The following TNPO1 variants were observed in gnomAD, a reference collection of about 807,000 sequenced individuals.
TNPO1 encodes transportin 1.
A neutral mutation model predicts 119.5 loss-of-function variants in TNPO1; 8 were observed. The observed-to-expected ratio is 0.07, with a 90% CI of 0.04 to 0.12. TNPO1 has a LOEUF of 0.12. Among genes scored for constraint, TNPO1 ranks in the 10% least tolerant of loss-of-function variants. The pLI, the probability that TNPO1 is intolerant of heterozygous loss-of-function variation, is 1.00. For synonymous variants in TNPO1, 362 were observed against 363.0 expected, an observed-to-expected ratio of 1.00 and a Z score of 0.03; for missense variants, 576 against 1,089.8, an observed-to-expected ratio of 0.53 and a Z score of 6.64.
chr5:72,859,244 A>G (rs1251442041), intron 4 of TNPO1, among the ~76,000 whole-genome samples: 5 of 152,058 alleles, frequency 3.3e-5, no homozygotes, highest in South Asian at 2.1e-4. Flanking sequence ...GGACTGGATA[A>G]TTCTTTGTTG....
chr5:72,825,104 T>G (rs1744145627), intron 1 of TNPO1, among the ~76,000 whole-genome samples: 1 of 152,198 alleles, frequency 6.6e-6, no homozygotes, highest in African/African-American at 2.4e-5. Context: ...GCCTCACTGC[T>G]TCCTCCACTG....
At chr5:72,905,605 C>T (rs946433067) in intron 24 of TNPO1, 160 bp downstream of exon 24, 6 of 380,704 alleles carry the variant, frequency 1.6e-5, no homozygotes, top group Non-Finnish European at 2.8e-5. Flanking sequence ...TTTAAAATTA[C>T]TTAAGTGGGC....
chr5:72,893,574 C>T, intron 17 of TNPO1, 39 bp downstream of exon 17: 1 of 1,614,136 alleles, frequency 6.2e-7, no homozygotes, highest in Non-Finnish European at 8.5e-7. Context: ...AAGCCTGTTT[C>T]TCTGTGTCAC....
At chr5:72,861,371 C>T (rs1353580200) in intron 4 of TNPO1, among the ~76,000 whole-genome samples, 1 of 152,014 alleles carries the variant, frequency 6.6e-6, no homozygotes, top group Admixed American at 6.6e-5. Flanking sequence ...TTTTTTTCCA[C>T]AAGGTACGGA....
chr5:72,884,361 C>CT, intron 11 of TNPO1, among the ~76,000 whole-genome samples: 1 of 152,190 alleles, frequency 6.6e-6, no homozygotes, highest in South Asian at 2.1e-4. Flanking sequence ...TCTCAAAAGG[C>CT]TGTTTGTTTT....
At chr5:72,904,172 T>G (rs1037978297) in intron 23 of TNPO1, among the ~76,000 whole-genome samples, 4 of 152,362 alleles carry the variant, frequency 2.6e-5, no homozygotes, top group African/African-American at 7.2e-5. Context: ...TACCCTCTTT[T>G]GATTAACTCG....
chr5:72,864,179 T>C (rs983203081), intron 5 of TNPO1, among the ~76,000 whole-genome samples: 2 of 152,212 alleles, frequency 1.3e-5, no homozygotes, highest in African/African-American at 4.8e-5. Context: ...TATTTTAGCA[T>C]GTTAATTAAA....
chr5:72,823,404 T>C (rs917451572), intron 1 of TNPO1, among the ~76,000 whole-genome samples: 1 of 152,182 alleles, frequency 6.6e-6, no homozygotes, highest in Non-Finnish European at 1.5e-5. Context: ...ATCTATGCTA[T>C]ATCAGCCACT....
intron 3 of TNPO1, among the ~76,000 whole-genome samples, chr5:72,853,725 A>G (rs1272701668): frequency 1.3e-5 from 2 of 152,114 alleles, no homozygotes; most frequent in Non-Finnish European, 2.9e-5. Flanking sequence ...TTTTAAAAAA[A>G]TCTTTGCATC....
chr5:72,886,205 TAATAA>T (rs925461809), intron 11 of TNPO1, among the ~76,000 whole-genome samples: 2 of 152,228 alleles, frequency 1.3e-5, no homozygotes, highest in African/African-American at 4.8e-5. Flanking sequence ...ATTATTATTA[TAATAA>T]AATCTGGGTT....
chr5:72,871,122 A>G (rs11742731), intron 6 of TNPO1, among the ~76,000 whole-genome samples: 1 of 152,058 alleles, frequency 6.6e-6, no homozygotes, highest in African/African-American at 2.4e-5. Flanking sequence ...GATTACAGGC[A>G]TGCACCACCA....
intron 20 of TNPO1, among the ~76,000 whole-genome samples, chr5:72,897,919 A>C (rs1330160572): frequency 1.3e-5 from 2 of 152,136 alleles, no homozygotes; most frequent in Non-Finnish European, 2.9e-5. Context: ...CCAAATAAGA[A>C]AGTTACTTTT....
Position 72,893,165 on chromosome 5 carries a change from G to A in TNPO1, c.1815G>A (p.Leu605=). The A allele has an allele frequency of 6.2e-7, 1 of 1,614,030 alleles. No individual in the cohort carries two copies. The highest frequency in any genetic ancestry group is 8.5e-7 in the Non-Finnish European group (1 of 1,179,950). ...LECLSSVATA[L]QSGFLPYCEP... ...GCCTATCTTCAGTTGCCACAGCACT[G>A]CAGTCTGGATTCCTTCCGTACTGTG... The change falls in exon 16 of 25, where the codon CTG becomes CTA. Residue 605 remains leucine, a synonymous_variant. Transcript: ENST00000337273.
intron 15 of TNPO1, among the ~76,000 whole-genome samples, chr5:72,892,672 C>G (rs749457966): frequency 2.0e-5 from 3 of 152,086 alleles, no homozygotes; most frequent in African/African-American, 7.2e-5. Context: ...GCACCTCCTC[C>G]CAATATACTT....
Position 72,905,392 on chromosome 5 carries a change from A to G in TNPO1, c.2679A>G (p.Ala893=). Residue 893 remains alanine (A), a synonymous_variant, in exon 24 of 25, where the codon GCA becomes GCG. Coordinates refer to ENST00000337273, the MANE Select transcript of TNPO1 (RefSeq NM_002270.4). ...QFPLPLKERL[A]AFYGV ...CTCTTCCCTTAAAAGAGCGTCTTGC[A>G]GCTTTTTATGGTGTTTAATCTAATA... The G allele has an allele frequency of 6.2e-7, 1 of 1,611,506 alleles. No homozygotes were observed. The highest frequency in any genetic ancestry group is 1.1e-5 in the South Asian group (1 of 90,684).
At chr5:72,871,453 A>C (rs910274683) in intron 6 of TNPO1, among the ~76,000 whole-genome samples, 1 of 152,216 alleles carries the variant, frequency 6.6e-6, no homozygotes, top group Non-Finnish European at 1.5e-5. Flanking sequence ...TTTTTGGCAC[A>C]GTGGTTAAGA....
chr5:72,878,362 A>G (rs1747970736), intron 9 of TNPO1, among the ~76,000 whole-genome samples: 1 of 152,062 alleles, frequency 6.6e-6, no homozygotes, highest in African/African-American at 2.4e-5. Flanking sequence ...TAGGAAATTT[A>G]TAGAACCGTA....
rs376927568 is a variant in TNPO1 at position 72,893,365 on chromosome 5, G to A, written c.1897-12G>A. ...AAACCAAACTTACAAAAAACATTGT[G>A]TCTAATTTCAGCTAAACAATGCTCA... On this transcript the variant is annotated splice_polypyrimidine_tract_variant and intron_variant, in intron 16 of 24. Transcript: ENST00000337273. 16 of 1,611,382 alleles carry A rather than the reference G, an allele frequency of 9.9e-6. No homozygotes were observed. Among genetic ancestry groups the A allele is most frequent in the Non-Finnish European group, 1.2e-5 (14 of 1,179,248 alleles).
intron 1 of TNPO1, among the ~76,000 whole-genome samples, chr5:72,840,786 A>G (rs6884453): frequency 0.18 from 27,225 of 152,150 alleles, 2,737 homozygotes; most frequent in African/African-American, 0.26. Context: ...CACTCTAAGC[A>G]TACATTTATT....
Sources: allele counts gnomAD v4.1 joint callset (sites outside exome capture counted in the v4.1 genomes callset), GRCh38; gene constraint gnomAD v4.1.1; transcripts MANE v1.5; gene names NCBI Gene and HGNC (gene_info 2026-07-23, HGNC 2026-07-21).